CAMK2D: variants seen among roughly 807,000 people sequenced by gnomAD.
The protein encoded by CAMK2D is calcium/calmodulin-dependent protein kinase type II subunit delta.
A neutral mutation model predicts 84.0 loss-of-function variants in CAMK2D; 37 were observed. That is an observed-to-expected ratio of 0.44 (90% CI 0.34 to 0.58). The LOEUF is 0.58. CAMK2D is among the 20% of genes least tolerant of loss of function. The pLI, the probability that CAMK2D is intolerant of heterozygous loss-of-function variation, is 0.02. For synonymous variants in CAMK2D, 202 were observed against 212.5 expected (o/e 0.95, Z 0.43); for missense variants, 448 against 652.5 (o/e 0.69, Z 3.41).
At chr4:113,519,614 C>CTTGA (rs2098331404) in intron 8 of CAMK2D, among the ~76,000 whole-genome samples, 2 of 151,960 alleles carry the variant, frequency 1.3e-5, no homozygotes, top group African/African-American at 4.8e-5. Flanking sequence ...TTTACTTCAA[C>CTTGA]TTGATTATTA....
rs2097279643 is a variant in CAMK2D, at chr4:113,454,330, T to TG, written c.*214dup. ...AGTTTGTGTGGAACATCCCCGTAGT[T>TG]GAAGTGTAAACAATGTATAGGAAGG... On this transcript the variant is annotated 3_prime_UTR_variant, in exon 21 of 21. Transcript: ENST00000511664. 2.4e-6 allele frequency: 1 copy of TG among 421,974 alleles called. No homozygotes were observed. Among genetic ancestry groups the TG allele is most frequent in the Admixed American group, 4.2e-5 (1 of 23,556 alleles). The allele number at this position is 421,974 out of a possible 1,614,324, so 26.1% of individuals were successfully genotyped here.
chr4:113,548,697 T>C lies in CAMK2D; in HGVS notation c.342-981A>G, dbSNP rs2098601826. Reference sequence around the variant, plus strand: ...AACTATGCCATTTAGGTGACAATGATTAACACTTTCTAGAATCTGCTGTAT... The same window carrying C: ...AACTATGCCATTTAGGTGACAATGACTAACACTTTCTAGAATCTGCTGTAT... On this transcript the variant is annotated intron_variant, in intron 5 of 20. Coordinates refer to ENST00000511664, the MANE Select transcript of CAMK2D (RefSeq NM_001321571.2). 4.4e-6 allele frequency: 7 copies of C among 1,588,406 alleles called. 2 individuals are homozygous for C. Among genetic ancestry groups the C allele is most frequent in the South Asian group, 2.2e-5 (2 of 90,492 alleles).
intron 5 of CAMK2D, among the ~76,000 whole-genome samples, chr4:113,551,173 A>G (rs2098625776): frequency 6.6e-6 from 1 of 152,202 alleles, no homozygotes; most frequent in African/African-American, 2.4e-5. Context: ...AATATATAAA[A>G]GTACACAGGA....
At chr4:113,649,945 G>C (rs944416646) in intron 3 of CAMK2D, among the ~76,000 whole-genome samples, 1 of 152,190 alleles carries the variant, frequency 6.6e-6, no homozygotes, top group South Asian at 2.1e-4. Context: ...AGCTGTGTGT[G>C]GTGGCACGTG....
intron 2 of CAMK2D, among the ~76,000 whole-genome samples, chr4:113,689,490 G>A (rs1381880309): frequency 6.6e-6 from 1 of 152,108 alleles, no homozygotes; most frequent in South Asian, 2.1e-4. Context: ...GCTACTCCCT[G>A]TCTCTCCAAC....
At chr4:113,574,531 A>G (rs1451507376) in intron 4 of CAMK2D, among the ~76,000 whole-genome samples, 1 of 152,226 alleles carries the variant, frequency 6.6e-6, no homozygotes, top group Non-Finnish European at 1.5e-5. Context: ...CTGATTCCTC[A>G]CTGCATTTAG....
At chr4:113,635,136 T>C (rs1002536718) in intron 3 of CAMK2D, among the ~76,000 whole-genome samples, 71 of 152,344 alleles carry the variant, frequency 4.7e-4, no homozygotes, top group African/African-American at 1.6e-3. Context: ...GCTGGGTTTT[T>C]ACAATCTGAC....
chr4:113,476,870 C>T (rs2097631805), intron 16 of CAMK2D, among the ~76,000 whole-genome samples: 1 of 152,106 alleles, frequency 6.6e-6, no homozygotes, highest in Admixed American at 6.5e-5. Context: ...AAGGAACTGA[C>T]TCAACCGGTC....
intron 2 of CAMK2D, among the ~76,000 whole-genome samples, chr4:113,718,418 T>G (rs1037500968): frequency 1.3e-5 from 2 of 152,144 alleles, no homozygotes; most frequent in African/African-American, 4.8e-5. Flanking sequence ...ATGAGCCAGT[T>G]TGTCAATCTA....
intron 2 of CAMK2D, among the ~76,000 whole-genome samples, chr4:113,663,702 T>C (rs777806677): frequency 8.0e-5 from 12 of 150,914 alleles, no homozygotes; most frequent in Non-Finnish European, 1.5e-4. Context: ...TGTGCTGAAC[T>C]ATGTGATTTT....
intron 2 of CAMK2D, among the ~76,000 whole-genome samples, chr4:113,716,496 C>G (rs900747225): frequency 6.6e-6 from 1 of 151,716 alleles, no homozygotes; most frequent in African/African-American, 2.4e-5. Context: ...ACAAAAAATA[C>G]AAAAATTAGC....
intron 16 of CAMK2D, among the ~76,000 whole-genome samples, chr4:113,499,752 A>T (rs2154148663): frequency 6.6e-6 from 1 of 152,330 alleles, no homozygotes; most frequent in African/African-American, 2.4e-5. Context: ...GTTATATATA[A>T]TGAATTACAA....
chr4:113,624,722 G>A (rs746444423), intron 3 of CAMK2D, among the ~76,000 whole-genome samples: 1 of 152,128 alleles, frequency 6.6e-6, no homozygotes, highest in Non-Finnish European at 1.5e-5. Flanking sequence ...TAAATGGATT[G>A]GTGTATCAGT....
intron 4 of CAMK2D, among the ~76,000 whole-genome samples, chr4:113,563,482 C>T (rs143476634): frequency 2.0e-5 from 3 of 152,322 alleles, no homozygotes; most frequent in African/African-American, 7.2e-5. Flanking sequence ...TCTTTCCCCA[C>T]TCCCTCCCTC....
chr4:113,558,608 C>G (rs573489711), intron 4 of CAMK2D, among the ~76,000 whole-genome samples: 3 of 152,204 alleles, frequency 2.0e-5, no homozygotes, highest in South Asian at 2.1e-4. Context: ...AGAGGGTCCT[C>G]GATTCAATCT....
chr4:113,758,512 T>C (rs930727239), intron 2 of CAMK2D, among the ~76,000 whole-genome samples: 1 of 152,214 alleles, frequency 6.6e-6, no homozygotes, highest in African/African-American at 2.4e-5. Context: ...CACTATGGTA[T>C]TTTGTTCATT....
chr4:113,554,026 T>C (rs1193959490), intron 4 of CAMK2D, among the ~76,000 whole-genome samples: 1 of 152,128 alleles, frequency 6.6e-6, no homozygotes. Context: ...CAGACAATTT[T>C]GGATTGTTAA....
intron 2 of CAMK2D, among the ~76,000 whole-genome samples, chr4:113,711,146 ATATAAT>A (rs1163996949): frequency 4.0e-5 from 6 of 148,742 alleles, no homozygotes; most frequent in Non-Finnish European, 8.9e-5. Flanking sequence ...AAATATAAAA[ATATAAT>A]TATATATTAG....
At chr4:113,547,148 G>A (rs1208844439) in intron 6 of CAMK2D, among the ~76,000 whole-genome samples, 1 of 152,202 alleles carries the variant, frequency 6.6e-6, no homozygotes, top group Non-Finnish European at 1.5e-5. Flanking sequence ...TAGGACTAAT[G>A]TTAAGGGAAA....
Sources: allele counts gnomAD v4.1 joint callset (sites outside exome capture counted in the v4.1 genomes callset), GRCh38; gene constraint gnomAD v4.1.1; transcripts MANE v1.5; gene names NCBI Gene and HGNC (gene_info 2026-07-23, HGNC 2026-07-21).